PAPSS1: variants seen among roughly 807,000 people sequenced by gnomAD.
The protein encoded by PAPSS1 is 3'-phosphoadenosine 5'-phosphosulfate synthase 1, also known as bifunctional 3'-phosphoadenosine 5'-phosphosulfate synthase 1.
Under a neutral mutation model 72.0 loss-of-function variants are expected in PAPSS1, and 50 were observed. The ratio of observed to expected loss-of-function variants is 0.69; its 90% CI spans 0.55 to 0.88. The LOEUF is 0.88. PAPSS1 is among the 40% of genes least tolerant of loss of function. The pLI is 0.00. For synonymous variants in PAPSS1, 261 were observed against 263.6 expected (o/e 0.99, Z 0.09); for missense variants, 657 against 782.2 (o/e 0.84, Z 1.91).
intron 5 of PAPSS1, among the ~76,000 whole-genome samples, chr4:107,671,196 C>T (rs535024116): frequency 6.6e-6 from 1 of 151,870 alleles, no homozygotes; most frequent in Non-Finnish European, 1.5e-5. Context: ...TGGACTGAAT[C>T]CTGGAACAGG....
intron 11 of PAPSS1, among the ~76,000 whole-genome samples, chr4:107,619,402 A>G (rs1018717284): frequency 6.6e-6 from 1 of 152,204 alleles, no homozygotes; most frequent in African/African-American, 2.4e-5. Flanking sequence ...TGGCTACGGA[A>G]AACACATTTT....
chr4:107,689,974 T>G (rs966058834), intron 3 of PAPSS1, among the ~76,000 whole-genome samples: 2 of 152,144 alleles, frequency 1.3e-5, no homozygotes, highest in African/African-American at 4.8e-5. Context: ...GTCTTACTGA[T>G]GCTACTCAAG....
rs368741881 is a variant in PAPSS1, at chr4:107,701,070, T to C, written c.175+101A>G. 112 of 593,778 alleles carry C rather than the reference T, an allele frequency of 1.9e-4. 1 individual carries two copies. The highest frequency in any genetic ancestry group is 1.7e-3 in the African/African-American group (92 of 53,210). 36.8% of individuals were successfully genotyped at this position (593,778 alleles called of 1,614,324 possible). A position where few individuals can be genotyped will look rare whatever the true frequency, so the allele number is the denominator to read the frequency against. On this transcript the variant is annotated intron_variant, in intron 2 of 11. Transcript: ENST00000265174. Reference sequence around the variant, plus strand: ...CAGTTATATGTCGTGATGCTCCAAATACAAGAACAGAGCTCAAAATTTAAA... The same window carrying C: ...CAGTTATATGTCGTGATGCTCCAAACACAAGAACAGAGCTCAAAATTTAAA...
intron 11 of PAPSS1, among the ~76,000 whole-genome samples, chr4:107,630,657 GT>G (rs996694146): frequency 1.3e-5 from 2 of 152,102 alleles, no homozygotes; most frequent in Non-Finnish European, 2.9e-5. Context: ...AAAAGCTTGG[GT>G]TTTTTTGCTC....
Position 107,645,020 on chromosome 4 carries a change from G to A in PAPSS1, c.1288C>T (p.Leu430=), listed in dbSNP as rs377236851. The A allele has an allele frequency of 8.1e-5, 130 of 1,606,016 alleles. No individual in the cohort carries two copies. Among genetic ancestry groups the A allele is most frequent in the Middle Eastern group, 3.3e-4 (2 of 6,028 alleles). ...LRNPVHNGHA[L]LMQDTHKQLL... Reference sequence around the variant, plus strand: ...TGCTTATGGGTATCCTGCATTAACAGGGCATGTCCATTGTGCACTGGGTTG... The same window carrying A: ...TGCTTATGGGTATCCTGCATTAACAAGGCATGTCCATTGTGCACTGGGTTG... Residue 430 remains leucine (L), a synonymous_variant, in exon 10 of 12, where the codon CTG becomes TTG. Coordinates refer to ENST00000265174, the MANE Select transcript of PAPSS1 (RefSeq NM_005443.5).
intron 1 of PAPSS1, among the ~76,000 whole-genome samples, chr4:107,715,085 G>A (rs1251630174): frequency 1.3e-5 from 2 of 152,116 alleles, no homozygotes; most frequent in Non-Finnish European, 2.9e-5. Flanking sequence ...GTCCAATAGA[G>A]CTTCCTGAGA....
chr4:107,693,866 T>C lies in PAPSS1; in HGVS notation c.316A>G (p.Arg106Gly). 6.2e-7 allele frequency: 1 copy of C among 1,613,962 alleles called. No homozygotes were observed. The highest frequency in any genetic ancestry group is 2.2e-5 in the East Asian group (1 of 44,886). Residue 106 changes from arginine to glycine, a missense_variant, in exon 3 of 12, where the codon AGA becomes GGA. Around this residue, in one of 7 missense-constraint regions of PAPSS1, gnomAD observed 119 missense variants for 171.1 expected, o/e 0.70. Transcript: ENST00000265174. ...NKNLGFSPED[R>G]EENVRRIAEV... ...GCGATGCGTCGAACATTCTCTTCTC[T>C]GTCTTCAGGACTAAAGCCAAGATTT...
chr4:107,679,267 CCTT>C (rs1727738521), intron 5 of PAPSS1, among the ~76,000 whole-genome samples: 1 of 152,014 alleles, frequency 6.6e-6, no homozygotes, highest in Admixed American at 6.6e-5. Context: ...GAGGAAGACT[CCTT>C]CTGTGGTACA....
chr4:107,667,547 T>C (rs771633105), intron 5 of PAPSS1, among the ~76,000 whole-genome samples: 34 of 152,084 alleles, frequency 2.2e-4, no homozygotes, highest in Non-Finnish European at 3.4e-4. Flanking sequence ...TAACTCCACA[T>C]AGCTAGGGTC....
At chr4:107,709,964 G>A (rs964788863) in intron 1 of PAPSS1, among the ~76,000 whole-genome samples, 8 of 152,160 alleles carry the variant, frequency 5.3e-5, no homozygotes, top group African/African-American at 9.7e-5. Flanking sequence ...CAAAATGAAC[G>A]CATTGGGTGG....
At chr4:107,710,278 G>C (rs182023442) in intron 1 of PAPSS1, among the ~76,000 whole-genome samples, 2 of 152,132 alleles carry the variant, frequency 1.3e-5, no homozygotes, top group Non-Finnish European at 2.9e-5. Context: ...ACCAAGCTTA[G>C]TGCTTCTTAC....
intron 5 of PAPSS1, among the ~76,000 whole-genome samples, chr4:107,670,624 A>G (rs116907663): frequency 6.6e-6 from 1 of 152,140 alleles, no homozygotes; most frequent in Non-Finnish European, 1.5e-5. Context: ...CTGCAGCCTC[A>G]AACTCCTGGG....
At chr4:107,696,341 A>G (rs1355972380) in intron 2 of PAPSS1, among the ~76,000 whole-genome samples, 1 of 152,216 alleles carries the variant, frequency 6.6e-6, no homozygotes, top group African/African-American at 2.4e-5. Flanking sequence ...CATCAATGAT[A>G]GCCTGGATAA....
intron 9 of PAPSS1, among the ~76,000 whole-genome samples, chr4:107,648,809 C>A (rs2110314560): frequency 6.6e-6 from 1 of 152,218 alleles, no homozygotes; most frequent in Middle Eastern, 3.4e-3. Flanking sequence ...CCTGGAATAA[C>A]AAAGCAGTTT....
intron 10 of PAPSS1, among the ~76,000 whole-genome samples, chr4:107,634,062 G>A (rs1182093327): frequency 6.6e-6 from 1 of 152,116 alleles, no homozygotes; most frequent in East Asian, 1.9e-4. Flanking sequence ...CTGTCACTCA[G>A]GCTGGAGTGC....
At chr4:107,644,209 A>G (rs1726633367) in intron 10 of PAPSS1, among the ~76,000 whole-genome samples, 1 of 152,138 alleles carries the variant, frequency 6.6e-6, no homozygotes, top group Admixed American at 6.5e-5. Flanking sequence ...AAAATATGGC[A>G]CCTTGGCATT....
chr4:107,684,817 T>C (rs911161952), intron 4 of PAPSS1, among the ~76,000 whole-genome samples: 3 of 152,150 alleles, frequency 2.0e-5, no homozygotes, highest in Non-Finnish European at 4.4e-5. Context: ...AAGCTGTGCC[T>C]CAACGACCTT....
intron 3 of PAPSS1, among the ~76,000 whole-genome samples, chr4:107,691,674 T>C (rs1160223510): frequency 6.6e-6 from 1 of 152,208 alleles, no homozygotes; most frequent in East Asian, 1.9e-4. Context: ...TGCAAACCTG[T>C]GCTCTTCTAC....
intron 9 of PAPSS1, among the ~76,000 whole-genome samples, chr4:107,652,857 C>T (rs562813950): frequency 1.2e-4 from 18 of 152,102 alleles, no homozygotes; most frequent in East Asian, 3.9e-4. Flanking sequence ...TATTTCTATG[C>T]GCAGTGTTGT....
Sources: gnomAD v4.1 joint callset for allele counts (sites outside exome capture counted in the v4.1 genomes callset) on GRCh38, gnomAD v4.1.1 for gene constraint, gnomAD v4.1.1 regional missense constraint, MANE v1.5 for transcripts, NCBI Gene and HGNC (gene_info 2026-07-23, HGNC 2026-07-21) for gene names.